Variants in ARFGEF2 observed in about 807,000 individuals in gnomAD.
ARFGEF2 encodes ARF guanine nucleotide exchange factor 2, also known as brefeldin A-inhibited guanine nucleotide-exchange protein 2.
In ARFGEF2, 74 loss-of-function variants were observed where a neutral mutation model predicts 219.9. That is an observed-to-expected ratio of 0.34 (90% confidence interval 0.28 to 0.41). ARFGEF2 has a LOEUF of 0.41. Ranked by LOEUF, ARFGEF2 falls within the 10% of genes least tolerant of loss-of-function variation. The pLI is 1.00. For missense variants in ARFGEF2, 1,743 were observed against 2,218.3 expected, an observed-to-expected ratio of 0.79 and a Z score of 4.30; for synonymous variants, 733 against 799.2, an observed-to-expected ratio of 0.92 and a Z score of 1.40.
intron 1 of ARFGEF2, among the ~76,000 whole-genome samples, chr20:48,931,589 A>G (rs1175861541): frequency 6.6e-6 from 1 of 151,922 alleles, no homozygotes; most frequent in Non-Finnish European, 1.5e-5. Flanking sequence ...GGGTGGCAGT[A>G]TTAGGTGCTG....
intron 26 of ARFGEF2, among the ~76,000 whole-genome samples, chr20:49,008,682 A>G (rs918174645): frequency 3.3e-5 from 5 of 151,220 alleles, no homozygotes; most frequent in African/African-American, 1.2e-4. Context: ...ATCTCTCCAT[A>G]TGAAATACCA....
At chr20:48,925,472 T>C (rs2090870842) in intron 1 of ARFGEF2, among the ~76,000 whole-genome samples, 1 of 152,228 alleles carries the variant, frequency 6.6e-6, no homozygotes, top group South Asian at 2.1e-4. Context: ...CTTTAAGTTA[T>C]GTTTCTGCTC....
intron 3 of ARFGEF2, among the ~76,000 whole-genome samples, chr20:48,950,812 ATAT>A (rs1288097300): frequency 0.011 from 475 of 43,960 alleles, 4 homozygotes; most frequent in African/African-American, 0.017. Flanking sequence ...AAAAAAAAAA[ATAT>A]ATATATATAT....
At chr20:48,999,903 C>T (rs1311746039) in intron 25 of ARFGEF2, among the ~76,000 whole-genome samples, 1 of 151,866 alleles carries the variant, frequency 6.6e-6, no homozygotes, top group Non-Finnish European at 1.5e-5. Flanking sequence ...GTTATAATAC[C>T]AATGCTTAAA....
At chr20:49,020,964 C>A (rs1197819463) in intron 34 of ARFGEF2, among the ~76,000 whole-genome samples, 1 of 152,074 alleles carries the variant, frequency 6.6e-6, no homozygotes, top group Non-Finnish European at 1.5e-5. Context: ...AATCTTTGCA[C>A]TATTATTATC....
rs113815193 is a variant in ARFGEF2, at chr20:49,011,855, G to A, written c.3758-69G>A. The A allele has an allele frequency of 2.9e-5, 43 of 1,479,168 alleles. No individual in the cohort carries two copies. In the East Asian group the frequency reaches 3.4e-4, roughly 12 times the overall value. The allele number at this position is 1,479,168 out of a possible 1,614,324, so 91.6% of individuals were successfully genotyped here. ...TATGTGTGTGTGTGTGTGTGTGCAC[G>A]CACGTGCATTTTTTCATCCCCATTT... is the stretch of plus-strand genomic sequence containing the variant. On this transcript the variant is annotated intron_variant, in intron 27 of 38. Transcript: ENST00000371917.
chr20:49,030,835 T>C (rs1568747814), intron 37 of ARFGEF2, among the ~76,000 whole-genome samples: 1 of 151,982 alleles, frequency 6.6e-6, no homozygotes, highest in Non-Finnish European at 1.5e-5. Context: ...CTACTAAAAA[T>C]ACAAAAATTA....
At chr20:48,927,963 T>G (rs1031345103) in intron 1 of ARFGEF2, among the ~76,000 whole-genome samples, 1 of 152,074 alleles carries the variant, frequency 6.6e-6, no homozygotes, top group Admixed American at 6.6e-5. Flanking sequence ...TGAAAAGCAT[T>G]TATATGTAGG....
chr20:48,996,006 T>G (rs935560870), intron 23 of ARFGEF2, 124 bp downstream of exon 23: 4 of 854,234 alleles, frequency 4.7e-6, no homozygotes, highest in Non-Finnish European at 8.0e-6. Context: ...TACAAATTGC[T>G]TAAGTGTCAC....
chr20:48,947,200 A>G (rs192198117), intron 3 of ARFGEF2, among the ~76,000 whole-genome samples: 8 of 150,948 alleles, frequency 5.3e-5, no homozygotes, highest in Admixed American at 1.3e-4. Flanking sequence ...GGAGTTCAAG[A>G]CCAGCTTGGG....
In ARFGEF2 at chr20:49,018,968, G is replaced by A. The variant is rs752691054; in HGVS notation, c.4594G>A (p.Asp1532Asn). 6.2e-7 allele frequency: 1 copy of A among 1,613,992 alleles called. No homozygotes were observed. Among genetic ancestry groups the A allele is most frequent in the Non-Finnish European group, 8.5e-7 (1 of 1,179,896 alleles). Residue 1532 changes from aspartate to asparagine, a missense_variant, in exon 34 of 39, where the codon GAT becomes AAT. Transcript: ENST00000371917. ...RGQSQLSNPT[D>N]DSWKGRPYAN... ...ACAGAGCCAGCTCTCTAACCCAACA[G>A]ATGACAGCTGGAAGGGTAGACCATA... is the stretch of plus-strand genomic sequence containing the variant.
At position 48,985,384 on chromosome 20, in the gene ARFGEF2, T is replaced by TA. The variant is rs1440782740; in HGVS notation, c.2071-23dup. Reference sequence around the variant, plus strand: ...GGGTTCGTATTTGACAATTTCTGGATATAAGTGAGTGTGTATGTTTCAGAC... The same window carrying TA: ...GGGTTCGTATTTGACAATTTCTGGATAATAAGTGAGTGTGTATGTTTCAGAC... On this transcript the variant is annotated intron_variant, in intron 15 of 38. Coordinates refer to ENST00000371917, the MANE Select transcript of ARFGEF2 (RefSeq NM_006420.3). 2.5e-6 allele frequency: 4 copies of TA among 1,613,180 alleles called. No homozygotes were observed. In the South Asian group the frequency reaches 4.4e-5, roughly 18 times the overall value.
chr20:49,028,000 G>A (rs548103166), intron 36 of ARFGEF2, among the ~76,000 whole-genome samples: 42 of 152,036 alleles, frequency 2.8e-4, no homozygotes, highest in Middle Eastern at 3.4e-3. Context: ...GGTGGCTCCC[G>A]TAATCCCAGA....
chr20:48,958,354 G>A (rs551952758), intron 6 of ARFGEF2, among the ~76,000 whole-genome samples: 4 of 152,314 alleles, frequency 2.6e-5, no homozygotes, highest in East Asian at 1.9e-4. Context: ...GCAGGGACCC[G>A]GACCAGGCAT....
intron 1 of ARFGEF2, among the ~76,000 whole-genome samples, chr20:48,937,612 G>C (rs2090966962): frequency 6.6e-6 from 1 of 152,110 alleles, no homozygotes; most frequent in Admixed American, 6.5e-5. Context: ...AATTCTTGTG[G>C]GAATACTTAA....
chr20:49,009,998 G>C (rs2091486685), intron 26 of ARFGEF2, among the ~76,000 whole-genome samples: 1 of 152,194 alleles, frequency 6.6e-6, no homozygotes, highest in South Asian at 2.1e-4. Flanking sequence ...TCCATTCAGA[G>C]GGTCAGCTTC....
In ARFGEF2 at chr20:48,965,901, C is replaced by A. The variant is rs762006750; in HGVS notation, c.937C>A (p.Pro313Thr). The A allele has an allele frequency of 3.7e-6, 6 of 1,614,176 alleles. No individual in the cohort carries two copies. The Admixed American group carries it at 1.0e-4, about 27-fold the overall frequency. ...AGCGGAAAAGCATGGTCTGACAGAA[C>A]CTGAGAGAGTTCTAGGTGAACTGGA... ...EAAEKHGLTE[P>T]ERVLGELECQ... Residue 313 changes from proline (P) to threonine (T), a missense_variant, in exon 8 of 39, where the codon CCT becomes ACT. Physicochemically the swap from Pro to Thr is conservative, Grantham distance 38. Coordinates refer to ENST00000371917, the MANE Select transcript of ARFGEF2 (RefSeq NM_006420.3).
chr20:48,990,540 A>G (rs768823393), intron 20 of ARFGEF2, among the ~76,000 whole-genome samples: 4 of 152,124 alleles, frequency 2.6e-5, no homozygotes, highest in Non-Finnish European at 5.9e-5. Flanking sequence ...GTTCCTATTC[A>G]TTTTACAGTT....
intron 37 of ARFGEF2, among the ~76,000 whole-genome samples, chr20:49,031,337 C>G (rs2091633351): frequency 7.2e-6 from 1 of 139,666 alleles, no homozygotes. Flanking sequence ...TCAAGTGATT[C>G]TTGTGCCTCA....
Sources: allele counts gnomAD v4.1 joint callset (sites outside exome capture counted in the v4.1 genomes callset), GRCh38; gene constraint gnomAD v4.1.1; transcripts MANE v1.5; gene names NCBI Gene and HGNC (gene_info 2026-07-23, HGNC 2026-07-21).